ZNF804A: variants seen among roughly 807,000 people sequenced by gnomAD.
ZNF804A encodes the protein zinc finger protein 804A.
In ZNF804A, 2 loss-of-function variants were observed where a neutral mutation model predicts 16.5. The observed-to-expected ratio is 0.12, with a 90% CI of 0.05 to 0.38. The LOEUF (loss-of-function observed/expected upper bound fraction) is 0.38. Ranked by LOEUF, ZNF804A falls within the 10% of genes least tolerant of loss-of-function variation. The pLI, the probability that ZNF804A is intolerant of heterozygous loss-of-function variation, is 0.99. For synonymous variants in ZNF804A, 534 were observed against 489.6 expected, an observed-to-expected ratio of 1.09 and a Z score of -1.20; for missense variants, 1,473 against 1,390.7, an observed-to-expected ratio of 1.06 and a Z score of -0.94.
intron 2 of ZNF804A, among the ~76,000 whole-genome samples, chr2:184,885,824 A>T (rs753956621): frequency 1.2e-4 from 18 of 151,850 alleles, no homozygotes; most frequent in Non-Finnish European, 1.8e-4. Flanking sequence ...TGATTTAATT[A>T]CCTCCCCAAG....
At chr2:184,607,936 C>CT (rs34262998) in intron 1 of ZNF804A, among the ~76,000 whole-genome samples, 18,109 of 64,988 alleles carry the variant, frequency 0.28, 6,977 homozygotes, top group East Asian at 0.37. Context: ...TGATGCATCT[C>CT]TTTTTTTTTT....
intron 1 of ZNF804A, among the ~76,000 whole-genome samples, chr2:184,673,602 A>G (rs1429196511): frequency 1.3e-5 from 2 of 152,226 alleles, no homozygotes; most frequent in African/African-American, 2.4e-5. Flanking sequence ...TATTTTGTGC[A>G]TAGAACTTGT....
intron 1 of ZNF804A, among the ~76,000 whole-genome samples, chr2:184,702,783 T>C (rs754891501): frequency 9.2e-5 from 14 of 152,180 alleles, no homozygotes; most frequent in Admixed American, 4.6e-4. Flanking sequence ...GTGACATTTT[T>C]TATGGAGTCA....
intron 1 of ZNF804A, among the ~76,000 whole-genome samples, chr2:184,811,238 A>C (rs1694894430): frequency 6.6e-6 from 1 of 152,198 alleles, no homozygotes; most frequent in Admixed American, 6.5e-5. Context: ...AGGAAATGAC[A>C]CATAAACACC....
intron 1 of ZNF804A, among the ~76,000 whole-genome samples, chr2:184,782,491 C>G (rs1694385088): frequency 6.6e-6 from 1 of 151,282 alleles, no homozygotes; most frequent in South Asian, 2.1e-4. Flanking sequence ...ACTAGCCTAG[C>G]CTTTTGGACT....
chr2:184,629,493 T>C (rs1394027579), intron 1 of ZNF804A, among the ~76,000 whole-genome samples: 4 of 152,122 alleles, frequency 2.6e-5, no homozygotes, highest in African/African-American at 7.2e-5. Flanking sequence ...ATAAACTAGA[T>C]AGATGACCAA....
In ZNF804A at chr2:184,938,857, G is replaced by C; in HGVS notation, c.3461G>C (p.Arg1154Thr). 6.2e-7 allele frequency: 1 copy of C among 1,613,950 alleles called. No homozygotes were observed. Among genetic ancestry groups the C allele is most frequent in the South Asian group, 1.1e-5 (1 of 91,076 alleles). The change falls in exon 4 of 4, where the codon AGG (arginine) becomes ACG (threonine). Residue 1154 changes from arginine (R) to threonine (T), a missense_variant. Physicochemically the swap from Arg to Thr is moderately conservative, Grantham distance 71. Transcript: ENST00000302277. ...CTCTCAGTAGGACCAGTAGGACCGA[G>C]GCTTTGTCCTGGGAACCAGCCAACT... ...PQLSVGPVGP[R>T]LCPGNQPTFV...
intron 1 of ZNF804A, among the ~76,000 whole-genome samples, chr2:184,632,019 A>G (rs1347365277): frequency 1.3e-5 from 2 of 152,264 alleles, no homozygotes; most frequent in African/African-American, 2.4e-5. Context: ...ACAAACACTC[A>G]CTATTTGACT....
chr2:184,810,986 G>A (rs1319964914), intron 1 of ZNF804A, among the ~76,000 whole-genome samples: 1 of 151,998 alleles, frequency 6.6e-6, no homozygotes, highest in Non-Finnish European at 1.5e-5. Context: ...TCATTTCCAC[G>A]CTCAACATTA....
chr2:184,803,104 A>T (rs924438044), intron 1 of ZNF804A, among the ~76,000 whole-genome samples: 5 of 152,154 alleles, frequency 3.3e-5, no homozygotes, highest in African/African-American at 2.4e-5. Flanking sequence ...TTGCTATTAT[A>T]ACTAGTTTCA....
chr2:184,842,421 A>G (rs76736142), intron 1 of ZNF804A, among the ~76,000 whole-genome samples: 5,981 of 152,042 alleles, frequency 0.039, 378 homozygotes, highest in African/African-American at 0.13. Context: ...TTGAGAAAAT[A>G]TTTTCTAAAA....
At chr2:184,602,513 C>T (rs1182064784) in intron 1 of ZNF804A, among the ~76,000 whole-genome samples, 4 of 151,862 alleles carry the variant, frequency 2.6e-5, no homozygotes, top group African/African-American at 9.7e-5. Context: ...TGAATGAAGA[C>T]ATTTGGTACA....
At chr2:184,649,054 TA>T (rs202064777) in intron 1 of ZNF804A, among the ~76,000 whole-genome samples, 16 of 151,102 alleles carry the variant, frequency 1.1e-4, no homozygotes, top group African/African-American at 2.4e-4. Context: ...CTCAATAAGT[TA>T]AAAAAAAATC....
At chr2:184,609,145 G>A (rs887478667) in intron 1 of ZNF804A, among the ~76,000 whole-genome samples, 6 of 152,164 alleles carry the variant, frequency 3.9e-5, no homozygotes, top group African/African-American at 1.4e-4. Context: ...AAGAATTTGG[G>A]AGTTCTGGGC....
chr2:184,681,330 A>C (rs1230032649), intron 1 of ZNF804A, among the ~76,000 whole-genome samples: 1 of 152,222 alleles, frequency 6.6e-6, no homozygotes, highest in Non-Finnish European at 1.5e-5. Flanking sequence ...GAAAAATATT[A>C]AAAGATTCTT....
intron 2 of ZNF804A, among the ~76,000 whole-genome samples, chr2:184,924,010 TG>T (rs1406236180): frequency 1.8e-4 from 3 of 16,672 alleles, no homozygotes; most frequent in East Asian, 0.015. Flanking sequence ...AGTTTTGTTT[TG>T]TGTGTGTGTG....
At position 184,820,437 on chromosome 2, in the gene ZNF804A, A is replaced by G. The variant is rs1372814886; in HGVS notation, c.112-45932A>G. On this transcript the variant is annotated intron_variant, in intron 1 of 3. Coordinates refer to ENST00000302277, the MANE Select transcript of ZNF804A (RefSeq NM_194250.2). ...TACCTCAAAATAATAAGCGCCATAT[A>G]TGACAAACTTACAGCCAATATCATA... Among the ~76,000 whole-genome samples the G allele has an allele frequency of 3.3e-4, 50 of 152,112 alleles. 1 individual carries two copies. The highest frequency in any genetic ancestry group is 1.6e-4 in the Non-Finnish European group (11 of 68,002).
At chr2:184,659,970 G>T (rs1692142970) in intron 1 of ZNF804A, among the ~76,000 whole-genome samples, 1 of 152,124 alleles carries the variant, frequency 6.6e-6, no homozygotes, top group Non-Finnish European at 1.5e-5. Flanking sequence ...AATTAGCCGG[G>T]TGTGGTTTTG....
intron 1 of ZNF804A, among the ~76,000 whole-genome samples, chr2:184,758,949 AT>A (rs1301748190): frequency 6.6e-6 from 1 of 151,826 alleles, no homozygotes; most frequent in African/African-American, 2.4e-5. Flanking sequence ...ATTTTCTCAA[AT>A]TTTTTGTCAG....
Sources: allele counts gnomAD v4.1 joint callset (sites outside exome capture counted in the v4.1 genomes callset), GRCh38; gene constraint gnomAD v4.1.1; transcripts MANE v1.5; gene names NCBI Gene and HGNC (gene_info 2026-07-23, HGNC 2026-07-21).